TDRD10: variants seen among roughly 807,000 people sequenced by gnomAD.
The protein encoded by TDRD10 is tudor domain-containing protein 10.
TDRD10 carries 40 observed loss-of-function variants against 48.0 expected under a neutral mutation model. The ratio of observed to expected loss-of-function variants is 0.83; its 90% confidence interval spans 0.65 to 1.09. The LOEUF is 1.09. Ranked by LOEUF, TDRD10 falls within the 50% of genes least tolerant of loss-of-function variation. TDRD10 has a pLI of 0.00. For missense variants in TDRD10, 378 were observed against 434.7 expected (o/e 0.87, Z 1.16); for synonymous variants, 162 against 170.4 (o/e 0.95, Z 0.38).
intron 6 of TDRD10, among the ~76,000 whole-genome samples, chr1:154,540,290 G>A (rs1695149960): frequency 6.6e-6 from 1 of 152,082 alleles, no homozygotes; most frequent in Non-Finnish European, 1.5e-5. Context: ...GCTCGGGTGT[G>A]TCTTGGAGGA....
At chr1:154,520,744 G>T (rs758646053) in intron 5 of TDRD10, among the ~76,000 whole-genome samples, 27 of 152,066 alleles carry the variant, frequency 1.8e-4, no homozygotes, top group Non-Finnish European at 3.4e-4. Context: ...TGCTTTGAAC[G>T]TTTGTTTGTT....
At chr1:154,528,214 TAAA>T (rs56022323) in intron 6 of TDRD10, among the ~76,000 whole-genome samples, 209 of 144,784 alleles carry the variant, frequency 1.4e-3, no homozygotes, top group Middle Eastern at 3.4e-3. Context: ...CCTCGTCTCT[TAAA>T]AAAAAAAAAA....
At chr1:154,523,395 A>G (rs978769074) in intron 6 of TDRD10, among the ~76,000 whole-genome samples, 3 of 152,194 alleles carry the variant, frequency 2.0e-5, no homozygotes, top group African/African-American at 7.2e-5. Flanking sequence ...CAGAATCAAC[A>G]AAAGGGTTTG....
chr1:154,547,063 T>G (rs910978761), intron 11 of TDRD10, among the ~76,000 whole-genome samples: 2 of 152,158 alleles, frequency 1.3e-5, no homozygotes, highest in African/African-American at 4.8e-5. Context: ...GGTTTTAACC[T>G]TCTTCTATCC....
intron 4 of TDRD10, among the ~76,000 whole-genome samples, chr1:154,509,104 T>C (rs902897733): frequency 3.3e-5 from 5 of 151,166 alleles, no homozygotes; most frequent in African/African-American, 1.2e-4. Flanking sequence ...ACTTTTTTTT[T>C]TTTTTTTTGG....
chr1:154,518,739 A>G (rs1178879211), intron 4 of TDRD10, among the ~76,000 whole-genome samples: 2 of 152,206 alleles, frequency 1.3e-5, no homozygotes, highest in Non-Finnish European at 2.9e-5. Flanking sequence ...CCACATAGTA[A>G]GTACTTCATG....
rs76804506 is a variant in TDRD10 at position 154,536,987 on chromosome 1, G to A, written c.370-5037G>A. Among the ~76,000 whole-genome samples the A allele has an allele frequency of 1.2e-4, 19 of 152,280 alleles. No individual in the cohort carries two copies. In the East Asian group the frequency reaches 3.3e-3, roughly 26 times the overall value. On this transcript the variant is annotated intron_variant, in intron 6 of 12. Coordinates refer to ENST00000368482, the MANE Select transcript of TDRD10 (RefSeq NM_182499.4). Reference sequence around the variant, plus strand: ...CAGGAAGACCTGTTTCTGGCAGTCCGGGGAAGAGATGAAAATATCTTGTCA... The same window carrying A: ...CAGGAAGACCTGTTTCTGGCAGTCCAGGGAAGAGATGAAAATATCTTGTCA...
intron 6 of TDRD10, among the ~76,000 whole-genome samples, chr1:154,535,141 C>T (rs1340835310): frequency 5.3e-5 from 8 of 152,112 alleles, no homozygotes; most frequent in African/African-American, 7.2e-5. Context: ...CCGAGGTGGG[C>T]GGATCACTTG....
chr1:154,527,153 C>T (rs950977154), intron 6 of TDRD10, among the ~76,000 whole-genome samples: 12 of 144,950 alleles, frequency 8.3e-5, no homozygotes, highest in Non-Finnish European at 1.7e-4. Context: ...TTAGGTGATC[C>T]GCCTGCCTCT....
At chr1:154,513,842 A>C (rs542273771) in intron 4 of TDRD10, among the ~76,000 whole-genome samples, 4 of 152,254 alleles carry the variant, frequency 2.6e-5, no homozygotes, top group Non-Finnish European at 5.9e-5. Context: ...TTTCTAGAAC[A>C]ATTCAGTCAC....
chr1:154,537,312 C>T (rs915274680), intron 6 of TDRD10, among the ~76,000 whole-genome samples: 7 of 152,218 alleles, frequency 4.6e-5, no homozygotes, highest in Admixed American at 6.5e-5. Flanking sequence ...CCCACCAGAA[C>T]GTGAGCTTTG....
At chr1:154,518,532 A>G (rs1396415131) in intron 4 of TDRD10, among the ~76,000 whole-genome samples, 3 of 152,026 alleles carry the variant, frequency 2.0e-5, no homozygotes, top group Admixed American at 6.6e-5. Context: ...GGTTCACGCC[A>G]TTCTCCTGCC....
In TDRD10 at chr1:154,547,400, G is replaced by A; in HGVS notation, c.953-9G>A. ...CACTGAGGTTTTGTTGTTGTGTCTT[G>A]TTTTGCAGACATTTTGAGTTCGTAT... On this transcript the variant is annotated splice_polypyrimidine_tract_variant and intron_variant, in intron 11 of 12. Transcript: ENST00000368482. The A allele has an allele frequency of 6.2e-7, 1 of 1,614,108 alleles. No homozygotes were observed. The highest frequency in any genetic ancestry group is 8.5e-7 in the Non-Finnish European group (1 of 1,180,012).
intron 4 of TDRD10, chr1:154,509,877 T>G (rs1404446555): frequency 1.0e-6 from 1 of 985,148 alleles, no homozygotes; most frequent in Non-Finnish European, 1.2e-6. Context: ...GGAGGTAAGA[T>G]GCTGAGCAGT....
intron 4 of TDRD10, among the ~76,000 whole-genome samples, chr1:154,519,994 T>C (rs1693974443): frequency 6.6e-6 from 1 of 152,170 alleles, no homozygotes; most frequent in Non-Finnish European, 1.5e-5. Context: ...CCTGACCACC[T>C]CCTTTCCCTC....
chr1:154,518,587 C>T (rs897544309), intron 4 of TDRD10, among the ~76,000 whole-genome samples: 1 of 152,100 alleles, frequency 6.6e-6, no homozygotes, highest in African/African-American at 2.4e-5. Flanking sequence ...GCCACCACGC[C>T]CGGCTAATTT....
In TDRD10 at chr1:154,520,403, T is replaced by C. The variant is rs140993220; in HGVS notation, c.212+29T>C. The C allele has an allele frequency of 1.3e-5, 21 of 1,587,038 alleles. No homozygotes were observed. The African/African-American group carries it at 2.1e-4, about 16-fold the overall frequency. ...ATGACTGTTCTTTCTTTGTTTTCTTTGGGAAGCAGCTCCTTTCCTCCCTGT... is the reference window on the plus strand; with the variant it reads ...ATGACTGTTCTTTCTTTGTTTTCTTCGGGAAGCAGCTCCTTTCCTCCCTGT... On this transcript the variant is annotated intron_variant, in intron 5 of 12. Coordinates refer to ENST00000368482, the MANE Select transcript of TDRD10 (RefSeq NM_182499.4).
At position 154,544,121 on chromosome 1, in the gene TDRD10, G is replaced by A. The variant is rs1157969491; in HGVS notation, c.651+11G>A. On this transcript the variant is annotated intron_variant, in intron 9 of 12. Transcript: ENST00000368482. ...ATGCACGTCACTGAGGTATGGACTG[G>A]TTGTTGGCCCCCTCAGGCTCCTGTG... The A allele has an allele frequency of 1.9e-6, 3 of 1,614,116 alleles. No homozygotes were observed. Among genetic ancestry groups the A allele is most frequent in the Admixed American group, 3.3e-5 (2 of 60,018 alleles).
intron 11 of TDRD10, among the ~76,000 whole-genome samples, chr1:154,546,043 G>A (rs1189708357): frequency 2.7e-5 from 4 of 146,566 alleles, no homozygotes; most frequent in Non-Finnish European, 5.9e-5. Flanking sequence ...AAAGTGCTGG[G>A]ATTACAGCTG....
Sources: allele counts gnomAD v4.1 joint callset (sites outside exome capture counted in the v4.1 genomes callset), GRCh38; gene constraint gnomAD v4.1.1; transcripts MANE v1.5; gene names NCBI Gene and HGNC (gene_info 2026-07-23, HGNC 2026-07-21).